Variants in ZFP41 observed in about 807,000 individuals in gnomAD.
ZFP41 encodes ZFP41 zinc finger protein, also known as zinc finger protein 41 homolog.
A neutral mutation model predicts 11.6 loss-of-function variants in ZFP41; 10 were observed. The observed-to-expected ratio is 0.86, with a 90% CI of 0.53 to 1.47. ZFP41 has a LOEUF of 1.47. Ranked by LOEUF, ZFP41 falls within the 40% of genes most tolerant of loss-of-function variation. The probability of loss-of-function intolerance (pLI) is 0.00; values close to 1 mark genes in which losing one functional copy is unlikely to be tolerated. For missense variants in ZFP41, 302 were observed against 264.6 expected, an observed-to-expected ratio of 1.14 and a Z score of -0.98; for synonymous variants, 123 against 100.9, an observed-to-expected ratio of 1.22 and a Z score of -1.31.
At position 143,261,838 on chromosome 8, in the gene ZFP41, G is replaced by A. The variant is rs184716631; in HGVS notation, c.*2964G>A. ...CCCTGCACCTGCCACGCCTGTCTCC[G>A]GCAGCCCCTGCCCGCACCCGCACCC... On this transcript the variant is annotated 3_prime_UTR_variant, in exon 3 of 3. Coordinates refer to ENST00000330701, the MANE Select transcript of ZFP41 (RefSeq NM_173832.6). 83 of 124,440 alleles carry A rather than the reference G, an allele frequency of 6.7e-4. 5 individuals are homozygous for A. The highest frequency in any genetic ancestry group is 3.9e-3 in the African/African-American group (76 of 19,316). The allele number at this position is 124,440 out of a possible 1,614,324, so 7.7% of individuals were successfully genotyped here.
Position 143,257,778 on chromosome 8 carries a change from G to A in ZFP41, c.*901-1997G>A, listed in dbSNP as rs185727791. Among the ~76,000 whole-genome samples, 13 of 152,360 alleles carry A rather than the reference G, an allele frequency of 8.5e-5. No homozygotes were observed. In the South Asian group the frequency reaches 1.2e-3, roughly 15 times the overall value. ...GTTCGACCATCAGGAGGAAAGTCACGTGGCAGCCCAGCTCGAGGAGACACG... is the reference window on the plus strand; with the variant it reads ...GTTCGACCATCAGGAGGAAAGTCACATGGCAGCCCAGCTCGAGGAGACACG... On this transcript the variant is annotated intron_variant, in intron 2 of 2. Coordinates refer to ENST00000330701, the MANE Select transcript of ZFP41 (RefSeq NM_173832.6).
chr8:143,253,850 C>A (rs1428660290), intron 2 of ZFP41, among the ~76,000 whole-genome samples: 2 of 152,112 alleles, frequency 1.3e-5, no homozygotes, highest in Admixed American at 6.5e-5. Context: ...TGGTCCCCAA[C>A]CTTCTTGGCA....
chr8:143,252,278 T>C (rs1814783923), intron 2 of ZFP41, among the ~76,000 whole-genome samples: 1 of 152,240 alleles, frequency 6.6e-6, no homozygotes, highest in African/African-American at 2.4e-5. Flanking sequence ...ATCTCCCAGA[T>C]GGCTGTAGGG....
At chr8:143,254,500 T>C (rs904369961) in intron 2 of ZFP41, among the ~76,000 whole-genome samples, 3 of 152,198 alleles carry the variant, frequency 2.0e-5, no homozygotes, top group African/African-American at 4.8e-5. Context: ...GGGTGGCAAG[T>C]GTGGACACGG....
rs1815058444 is a variant in ZFP41 at position 143,262,034 on chromosome 8, C to T, written c.*3160C>T. ...CCGGCAGCCCCTGCCTGCACCCGCA[C>T]CCCTCACGGCTGTCTCCGGCAGCCC... On this transcript the variant is annotated 3_prime_UTR_variant, in exon 3 of 3. Transcript: ENST00000330701. 1.0e-5 allele frequency: 2 copies of T among 200,334 alleles called. No homozygotes were observed. The highest frequency in any genetic ancestry group is 4.8e-5 in the African/African-American group (2 of 41,296). 12.4% of individuals were successfully genotyped at this position (200,334 alleles called of 1,614,324 possible). A position where few individuals can be genotyped will look rare whatever the true frequency, so the allele number is the denominator to read the frequency against.
rs1452974286 is a variant in ZFP41, at chr8:143,250,286, G to A, written c.443G>A (p.Cys148Tyr). Residue 148 changes from cysteine to tyrosine, a missense_variant, in exon 2 of 3, where the codon TGC becomes TAC. Transcript: ENST00000330701. ...GAGAAGCCCTTCAAATGCGGGGAGT[G>A]CGGGAAAGCCTTTAACTGCGGCTCC... ...TGEKPFKCGECGKAFNCGSNL... is the reference protein window; with the variant it reads ...TGEKPFKCGEYGKAFNCGSNL... The A allele has an allele frequency of 6.2e-7, 1 of 1,614,112 alleles. No homozygotes were observed.
chr8:143,253,903 G>GT (rs1814843212), intron 2 of ZFP41, among the ~76,000 whole-genome samples: 1 of 152,128 alleles, frequency 6.6e-6, no homozygotes, highest in Admixed American at 6.5e-5. Flanking sequence ...GGTGTGGATG[G>GT]TTTGAGTATG....
intron 2 of ZFP41, among the ~76,000 whole-genome samples, chr8:143,252,354 G>A (rs909604750): frequency 4.6e-5 from 7 of 152,356 alleles, no homozygotes; most frequent in South Asian, 2.1e-4. Flanking sequence ...TGGTCCATGC[G>A]GAAGGCCCCA....
chr8:143,248,836 C>G (rs1387746918), intron 1 of ZFP41, among the ~76,000 whole-genome samples: 1 of 152,228 alleles, frequency 6.6e-6, no homozygotes, highest in African/African-American at 2.4e-5. Context: ...TGATGTTGGC[C>G]TGAAACTGAG....
intron 2 of ZFP41, among the ~76,000 whole-genome samples, chr8:143,254,170 C>T (rs1483351701): frequency 1.3e-5 from 2 of 152,158 alleles, no homozygotes; most frequent in African/African-American, 4.8e-5. Context: ...GTGCCTCCTC[C>T]CGTCTCTTGC....
Position 143,260,398 on chromosome 8 carries a change from G to C in ZFP41, c.*1524G>C, listed in dbSNP as rs575560643. 2 of 155,608 alleles carry C rather than the reference G, an allele frequency of 1.3e-5. No homozygotes were observed. The highest frequency in any genetic ancestry group is 2.8e-5 in the Non-Finnish European group (2 of 70,190). 9.6% of individuals were successfully genotyped at this position (155,608 alleles called of 1,614,324 possible). On this transcript the variant is annotated 3_prime_UTR_variant, in exon 3 of 3. Coordinates refer to ENST00000330701, the MANE Select transcript of ZFP41 (RefSeq NM_173832.6). The stretch of plus-strand genomic sequence containing the variant: ...GCGCGGGGCGGGGGCTCCTGACTCC[G>C]GTGAGGTCACCCTGGAGGGGAGTCC...
chr8:143,246,961 C>A lies in ZFP41; in HGVS notation c.-336C>A, dbSNP rs1202898421. Reference sequence around the variant, plus strand: ...GGCATTTCCTGCCGGTGCCTAGGGCCGACGGGGACGCTGGCACTGGTGGGG... The same window carrying A: ...GGCATTTCCTGCCGGTGCCTAGGGCAGACGGGGACGCTGGCACTGGTGGGG... On this transcript the variant is annotated 5_prime_UTR_variant, in exon 1 of 3. Transcript: ENST00000330701. 6.6e-6 allele frequency: 1 copy of A among 152,386 alleles called. No homozygotes were observed. Among genetic ancestry groups the A allele is most frequent in the Non-Finnish European group, 1.5e-5 (1 of 68,180 alleles). The allele number at this position is 152,386 out of a possible 1,614,324, so 9.4% of individuals were successfully genotyped here.
Position 143,260,342 on chromosome 8 carries a change from C to T in ZFP41, c.*1468C>T, listed in dbSNP as rs1008612043. Reference sequence around the variant, plus strand: ...CACCCCAGTGTTCACTGTCCTCAGGCCACTGCAGAGCCATCCTAGTGGGGC... The same window carrying T: ...CACCCCAGTGTTCACTGTCCTCAGGTCACTGCAGAGCCATCCTAGTGGGGC... On this transcript the variant is annotated 3_prime_UTR_variant, in exon 3 of 3. Transcript: ENST00000330701. The T allele has an allele frequency of 3.2e-5, 5 of 154,900 alleles. No individual in the cohort carries two copies. Among genetic ancestry groups the T allele is most frequent in the African/African-American group, 9.6e-5 (4 of 41,482 alleles). 9.6% of individuals were successfully genotyped at this position (154,900 alleles called of 1,614,324 possible).
At chr8:143,258,285 CATTCTGT>C (rs1455879469) in intron 2 of ZFP41, among the ~76,000 whole-genome samples, 1 of 152,240 alleles carries the variant, frequency 6.6e-6, no homozygotes, top group Non-Finnish European at 1.5e-5. Flanking sequence ...TGTATCACTG[CATTCTGT>C]TCTGCAGACG....
rs539047334 is a variant in ZFP41, at chr8:143,249,374, C to A, written c.-154-316C>A. ...AAGCCCAGTATGGTGGAGAAGGAGA[C>A]TACGGCAGGAACCAGGGGGATTCGG... On this transcript the variant is annotated intron_variant, in intron 1 of 2. Transcript: ENST00000330701. 4 of 160,526 alleles carry A rather than the reference C, an allele frequency of 2.5e-5. No individual in the cohort carries two copies. The South Asian group carries it at 5.2e-4, about 21-fold the overall frequency. 9.9% of individuals were successfully genotyped at this position (160,526 alleles called of 1,614,324 possible).
chr8:143,258,057 G>A (rs1172038175), intron 2 of ZFP41, among the ~76,000 whole-genome samples: 1 of 152,214 alleles, frequency 6.6e-6, no homozygotes, highest in African/African-American at 2.4e-5. Context: ...CAGGCACGGT[G>A]GCTCATTCCT....
At chr8:143,255,776 A>T (rs1205134717) in intron 2 of ZFP41, among the ~76,000 whole-genome samples, 204 of 36,984 alleles carry the variant, frequency 5.5e-3, no homozygotes, top group Admixed American at 8.6e-3. Flanking sequence ...CGCGTGCTAG[A>T]GTTAGTGAGA....
At chr8:143,254,469 T>TCTGTCGGGATGTGCCA (rs1477176438) in intron 2 of ZFP41, among the ~76,000 whole-genome samples, 1 of 152,136 alleles carries the variant, frequency 6.6e-6, no homozygotes, top group East Asian at 1.9e-4. Context: ...TCCTCTGCTG[T>TCTGTCGGGATGTGCCA]CTGTCGGGAT....
At chr8:143,256,277 G>A (rs1372083326) in intron 2 of ZFP41, among the ~76,000 whole-genome samples, 5 of 89,826 alleles carry the variant, frequency 5.6e-5, no homozygotes, top group Admixed American at 1.1e-4. Flanking sequence ...GGCTCGCCCC[G>A]CGTGCTGGTG....
Sources: allele counts gnomAD v4.1 joint callset (sites outside exome capture counted in the v4.1 genomes callset), GRCh38; gene constraint gnomAD v4.1.1; transcripts MANE v1.5; gene names NCBI Gene and HGNC (gene_info 2026-07-23, HGNC 2026-07-21).